The following CLYBL variants were observed in gnomAD, a reference collection of about 807,000 sequenced individuals.
The protein encoded by CLYBL is citramalyl-CoA lyase.
A neutral mutation model predicts 38.9 loss-of-function variants in CLYBL; 31 were observed. That is an observed-to-expected ratio of 0.80 (90% CI 0.60 to 1.08). CLYBL has a LOEUF of 1.08. Among genes scored for constraint, CLYBL ranks in the 50% least tolerant of loss-of-function variants. CLYBL has a pLI of 0.00. For synonymous variants in CLYBL, 171 were observed against 158.6 expected (o/e 1.08, Z -0.59); for missense variants, 434 against 411.6 (o/e 1.05, Z -0.47).
chr13:99,880,068 A>AAATATTT (rs2052159680), intron 7 of CLYBL, among the ~76,000 whole-genome samples: 1 of 101,210 alleles, frequency 9.9e-6, no homozygotes, highest in Admixed American at 1.2e-4. Context: ...ATATATATAT[A>AAATATTT]TTTTTTTTTT....
At chr13:99,781,170 T>TTC (rs2049641903) in intron 2 of CLYBL, among the ~76,000 whole-genome samples, 3 of 149,732 alleles carry the variant, frequency 2.0e-5, no homozygotes, top group Non-Finnish European at 1.5e-5. Context: ...TTATTTTTAT[T>TTC]TATTTATTTA....
intron 7 of CLYBL, among the ~76,000 whole-genome samples, chr13:99,876,407 C>G (rs1292710620): frequency 1.2e-5 from 1 of 85,132 alleles, no homozygotes; most frequent in Non-Finnish European, 2.1e-5. Context: ...GGTGACAGAA[C>G]AAGACTCCGT....
chr13:99,712,331 C>CTTTTTTT (rs766784946), intron 1 of CLYBL, among the ~76,000 whole-genome samples: 4 of 120,840 alleles, frequency 3.3e-5, no homozygotes, highest in Non-Finnish European at 5.1e-5. Flanking sequence ...TAGCAATTGA[C>CTTTTTTT]TTTTTTTTTT....
intron 8 of CLYBL, among the ~76,000 whole-genome samples, chr13:99,904,624 A>T (rs1476816154): frequency 6.6e-6 from 1 of 152,150 alleles, no homozygotes; most frequent in East Asian, 1.9e-4. Flanking sequence ...CCTAAAAGAA[A>T]TGTGTGGCCT....
intron 2 of CLYBL, among the ~76,000 whole-genome samples, chr13:99,799,752 G>A (rs1241628858): frequency 1.3e-5 from 2 of 152,212 alleles, no homozygotes; most frequent in Non-Finnish European, 2.9e-5. Flanking sequence ...AGATAATCCT[G>A]TGCAGATCCA....
chr13:99,666,743 A>C (rs1326622109), intron 1 of CLYBL, among the ~76,000 whole-genome samples: 1 of 152,200 alleles, frequency 6.6e-6, no homozygotes. Context: ...GCAGGTGTCA[A>C]AATATGGTAC....
chr13:99,608,199 G>A (rs1308079277), intron 1 of CLYBL, among the ~76,000 whole-genome samples: 2 of 151,138 alleles, frequency 1.3e-5, no homozygotes, highest in African/African-American at 4.9e-5. Flanking sequence ...AGCCTCCGGA[G>A]TAGTTGGGAT....
At chr13:99,740,356 C>G (rs2048732961) in intron 1 of CLYBL, among the ~76,000 whole-genome samples, 1 of 152,208 alleles carries the variant, frequency 6.6e-6, no homozygotes, top group African/African-American at 2.4e-5. Context: ...TGTCCTGTAC[C>G]TTGCAGGGCA....
chr13:99,674,697 G>C (rs933557585), intron 1 of CLYBL, among the ~76,000 whole-genome samples: 1 of 152,126 alleles, frequency 6.6e-6, no homozygotes, highest in Non-Finnish European at 1.5e-5. Flanking sequence ...TAAGGGATGC[G>C]TAAGAAGAAG....
intron 7 of CLYBL, among the ~76,000 whole-genome samples, chr13:99,886,224 G>A (rs146296759): frequency 6.6e-6 from 1 of 152,364 alleles, no homozygotes; most frequent in East Asian, 1.9e-4. Flanking sequence ...ATAGTGAATA[G>A]GGAAAGACTT....
rs77740964 is a variant in CLYBL, at chr13:99,848,206, C to G, written c.250-10655C>G. ...CCCTTCTCAGCTTGAGGTGCCGTCC[C>G]CTGCTTCTAAGTCCCAAGGGCCCCA... is the stretch of plus-strand genomic sequence containing the variant. On this transcript the variant is annotated intron_variant, in intron 2 of 8. Coordinates refer to ENST00000339105, the MANE Select transcript of CLYBL (RefSeq NM_206808.5). 5.2e-3 allele frequency among the ~76,000 whole-genome samples: 797 copies of G among 152,266 alleles called. 11 individuals are homozygous for G. Among genetic ancestry groups the G allele is most frequent in the African/African-American group, 0.017 (703 of 41,544 alleles).
chr13:99,687,826 C>T (rs191625997), intron 1 of CLYBL, among the ~76,000 whole-genome samples: 10 of 152,262 alleles, frequency 6.6e-5, no homozygotes, highest in Admixed American at 3.3e-4. Context: ...ATCTCTCCTG[C>T]GGGTGCCTGA....
At chr13:99,845,315 A>G (rs2051175055) in intron 2 of CLYBL, among the ~76,000 whole-genome samples, 1 of 152,238 alleles carries the variant, frequency 6.6e-6, no homozygotes, top group African/African-American at 2.4e-5. Flanking sequence ...CCTCTGACTC[A>G]GAAGCCAAAA....
intron 1 of CLYBL, among the ~76,000 whole-genome samples, chr13:99,627,222 C>CT (rs1258155297): frequency 6.6e-6 from 1 of 151,946 alleles, no homozygotes; most frequent in Non-Finnish European, 1.5e-5. Flanking sequence ...CCACCCCCTC[C>CT]TTTTTTTCTG....
chr13:99,682,502 T>C (rs1010664522), intron 1 of CLYBL, among the ~76,000 whole-genome samples: 8 of 152,118 alleles, frequency 5.3e-5, no homozygotes, highest in African/African-American at 1.9e-4. Context: ...GTAAAAATAC[T>C]GCATAAAAGA....
intron 1 of CLYBL, among the ~76,000 whole-genome samples, chr13:99,684,070 C>T (rs1195155680): frequency 2.9e-4 from 29 of 100,928 alleles, no homozygotes; most frequent in Non-Finnish European, 5.0e-4. Context: ...TTAATAGAGA[C>T]GACGTTTCAC....
chr13:99,632,933 G>A (rs913386656), intron 1 of CLYBL, among the ~76,000 whole-genome samples: 2 of 152,138 alleles, frequency 1.3e-5, no homozygotes, highest in South Asian at 2.1e-4. Context: ...CAGATAGGGA[G>A]TATCAGCTTA....
intron 1 of CLYBL, among the ~76,000 whole-genome samples, chr13:99,695,676 C>T (rs1306431148): frequency 1.3e-5 from 2 of 152,110 alleles, no homozygotes; most frequent in African/African-American, 4.8e-5. Flanking sequence ...CGCACCACCA[C>T]ACCTGGCTAA....
At chr13:99,701,552 C>A (rs1157209014) in intron 1 of CLYBL, among the ~76,000 whole-genome samples, 1 of 152,274 alleles carries the variant, frequency 6.6e-6, no homozygotes, top group East Asian at 1.9e-4. Context: ...ACCTCGTGAT[C>A]TGCCTGCCTC....
Sources: gnomAD v4.1 joint callset for allele counts (sites outside exome capture counted in the v4.1 genomes callset) on GRCh38, gnomAD v4.1.1 for gene constraint, MANE v1.5 for transcripts, NCBI Gene and HGNC (gene_info 2026-07-23, HGNC 2026-07-21) for gene names.